Variants in KCNQ5 observed in about 807,000 individuals in gnomAD.
KCNQ5 encodes potassium voltage-gated channel subfamily KQT member 5.
Under a neutral mutation model 98.2 loss-of-function variants are expected in KCNQ5, and 30 were observed. That is an observed-to-expected ratio of 0.31 (90% CI 0.23 to 0.41). The LOEUF (loss-of-function observed/expected upper bound fraction) is 0.41. Among genes scored for constraint, KCNQ5 ranks in the 10% least tolerant of loss-of-function variants. The pLI is 1.00. For missense variants in KCNQ5, 835 were observed against 1,182.5 expected, an observed-to-expected ratio of 0.71 and a Z score of 4.31; for synonymous variants, 458 against 449.4, an observed-to-expected ratio of 1.02 and a Z score of -0.24.
intron 7 of KCNQ5, among the ~76,000 whole-genome samples, chr6:73,119,284 A>G (rs1374450165): frequency 6.6e-6 from 1 of 152,208 alleles, no homozygotes; most frequent in Non-Finnish European, 1.5e-5. Flanking sequence ...GAGGGATTCT[A>G]TGACTGACAG....
intron 1 of KCNQ5, among the ~76,000 whole-genome samples, chr6:72,654,154 C>A (rs1766021353): frequency 6.6e-6 from 1 of 151,514 alleles, no homozygotes; most frequent in Non-Finnish European, 1.5e-5. Context: ...GAAATGACAT[C>A]ATTGTGTTTG....
intron 1 of KCNQ5, among the ~76,000 whole-genome samples, chr6:72,784,343 G>C (rs1773631288): frequency 6.6e-6 from 1 of 152,174 alleles, no homozygotes; most frequent in Non-Finnish European, 1.5e-5. Flanking sequence ...AGAGAAGAGA[G>C]AGAGCAGAGA....
intron 1 of KCNQ5, among the ~76,000 whole-genome samples, chr6:72,734,847 T>G (rs1770744616): frequency 6.6e-6 from 1 of 152,212 alleles, no homozygotes; most frequent in Non-Finnish European, 1.5e-5. Flanking sequence ...AGAGATCAAT[T>G]TTCTCAGCTA....
chr6:72,872,314 C>T (rs1191225405), intron 1 of KCNQ5, among the ~76,000 whole-genome samples: 2 of 152,040 alleles, frequency 1.3e-5, no homozygotes, highest in African/African-American at 4.8e-5. Context: ...GTCACTTTTG[C>T]TAATTTGCCT....
chr6:72,926,086 T>A lies in KCNQ5; in HGVS notation c.399-77822T>A, dbSNP rs1177854793. The stretch of plus-strand genomic sequence containing the variant: ...TGAGCATCAGGTGGATCCAGAATTG[T>A]TCTCCTCAACTGTCAAGAGGTGGGG... On this transcript the variant is annotated intron_variant, in intron 1 of 13. Transcript: ENST00000370398. Among the ~76,000 whole-genome samples the A allele has an allele frequency of 3.9e-5, 6 of 152,130 alleles. No individual in the cohort carries two copies. In the East Asian group the frequency reaches 1.2e-3, roughly 29 times the overall value.
At chr6:72,954,317 G>A (rs1766942174) in intron 1 of KCNQ5, among the ~76,000 whole-genome samples, 1 of 152,140 alleles carries the variant, frequency 6.6e-6, no homozygotes, top group African/African-American at 2.4e-5. Flanking sequence ...AGGAAGGCAG[G>A]AGGAGGAGCC....
Position 72,622,665 on chromosome 6 carries a change from C to T in KCNQ5, c.398+78C>T. ...CCCCCTGGGGCGTGCTCCGCGCTCG[C>T]GCCCTTGGGCCCCCGCGCGCGTGCA... On this transcript the variant is annotated intron_variant, in intron 1 of 13. Transcript: ENST00000370398. The surrounding 1 kb of genome is among the most constrained non-coding windows in gnomAD (Gnocchi z 6.0). 5 of 1,527,054 alleles carry T rather than the reference C, an allele frequency of 3.3e-6. No homozygotes were observed. In the South Asian group the frequency reaches 4.7e-5, roughly 14 times the overall value. The allele number at this position is 1,527,054 out of a possible 1,614,324, so 94.6% of individuals were successfully genotyped here. A position where few individuals can be genotyped will look rare whatever the true frequency, so the allele number is the denominator to read the frequency against.
At chr6:72,972,527 T>C (rs2150285902) in intron 1 of KCNQ5, among the ~76,000 whole-genome samples, 1 of 151,728 alleles carries the variant, frequency 6.6e-6, no homozygotes, top group East Asian at 1.9e-4. Flanking sequence ...TGGTGTGTGC[T>C]GTTCCCCTCT....
At chr6:72,799,911 A>C (rs1380839296) in intron 1 of KCNQ5, among the ~76,000 whole-genome samples, 2 of 152,216 alleles carry the variant, frequency 1.3e-5, no homozygotes, top group East Asian at 3.8e-4. Flanking sequence ...ATACTGAAGA[A>C]GCATCAAGCT....
At chr6:72,732,203 C>A (rs1272467284) in intron 1 of KCNQ5, among the ~76,000 whole-genome samples, 3 of 152,036 alleles carry the variant, frequency 2.0e-5, no homozygotes, top group Non-Finnish European at 1.5e-5. Context: ...CAAATAGATA[C>A]AGAGATACTT....
At chr6:73,112,415 G>T (rs1287638804) in intron 7 of KCNQ5, among the ~76,000 whole-genome samples, 1 of 150,978 alleles carries the variant, frequency 6.6e-6, no homozygotes, top group South Asian at 2.1e-4. Context: ...GTGCGATCTC[G>T]GCTCACTGCA....
chr6:72,966,838 G>A (rs1582104811), intron 1 of KCNQ5, among the ~76,000 whole-genome samples: 1 of 152,158 alleles, frequency 6.6e-6, no homozygotes. Flanking sequence ...TCAATAACTG[G>A]CACATATGGT....
chr6:72,934,381 A>ATGATGGTGG (rs1765812183), intron 1 of KCNQ5, among the ~76,000 whole-genome samples: 1 of 152,084 alleles, frequency 6.6e-6, no homozygotes, highest in Admixed American at 6.6e-5. Flanking sequence ...GATAATGGTG[A>ATGATGGTGG]TGATGGTGGT....
chr6:72,904,934 G>A (rs6913925), intron 1 of KCNQ5, among the ~76,000 whole-genome samples: 43,974 of 151,890 alleles, frequency 0.29, 6,589 homozygotes, highest in Non-Finnish European at 0.32. Flanking sequence ...GCAAGGCTGG[G>A]GAAGTTTTCC....
At chr6:73,188,982 CA>C (rs67431655) in intron 11 of KCNQ5, among the ~76,000 whole-genome samples, 31,451 of 83,024 alleles carry the variant, frequency 0.38, 2,635 homozygotes, top group Admixed American at 0.49. Flanking sequence ...GACTCTGTCT[CA>C]AAAAAAAAAA....
chr6:72,779,060 C>T (rs1466910184), intron 1 of KCNQ5, among the ~76,000 whole-genome samples: 1 of 152,142 alleles, frequency 6.6e-6, no homozygotes, highest in African/African-American at 2.4e-5. Flanking sequence ...CCACACTGTT[C>T]TTTGAAAGTG....
intron 1 of KCNQ5, among the ~76,000 whole-genome samples, chr6:72,987,955 C>G (rs896654583): frequency 1.3e-5 from 2 of 152,172 alleles, no homozygotes; most frequent in African/African-American, 4.8e-5. Context: ...TGAAAGCCAT[C>G]TGACAGTTGG....
At chr6:72,697,166 T>C (rs9442835) in intron 1 of KCNQ5, among the ~76,000 whole-genome samples, 32,580 of 152,162 alleles carry the variant, frequency 0.21, 4,463 homozygotes, top group East Asian at 0.5. Context: ...TCAAGAATCA[T>C]TGAGCGATCT....
intron 1 of KCNQ5, among the ~76,000 whole-genome samples, chr6:72,655,300 G>A (rs79370294): frequency 6.6e-6 from 1 of 152,044 alleles, no homozygotes; most frequent in Non-Finnish European, 1.5e-5. Context: ...CAGCAAATAT[G>A]TATTGACTTC....
Sources: gnomAD v4.1 joint callset for allele counts (sites outside exome capture counted in the v4.1 genomes callset) on GRCh38, gnomAD v4.1.1 for gene constraint, Gnocchi (gnomAD v3.1) non-coding constraint, MANE v1.5 for transcripts, NCBI Gene and HGNC (gene_info 2026-07-23, HGNC 2026-07-21) for gene names.